The following FBXW7 variants were observed in gnomAD, a reference collection of about 807,000 sequenced individuals.
The protein encoded by FBXW7 is F-box/WD repeat-containing protein 7.
In FBXW7, 11 loss-of-function variants were observed where a neutral mutation model predicts 86.3. The ratio of observed to expected loss-of-function variants is 0.13; its 90% confidence interval spans 0.08 to 0.21. The LOEUF is 0.21. FBXW7 is among the 10% of genes least tolerant of loss of function. The probability of loss-of-function intolerance (pLI) is 1.00; values close to 1 mark genes in which losing one functional copy is unlikely to be tolerated. For synonymous variants in FBXW7, 313 were observed against 297.9 expected (o/e 1.05, Z -0.52); for missense variants, 488 against 847.4 (o/e 0.58, Z 5.27).
At chr4:152,354,937 T>C (rs950465775) in intron 4 of FBXW7, among the ~76,000 whole-genome samples, 1 of 152,156 alleles carries the variant, frequency 6.6e-6, no homozygotes, top group Non-Finnish European at 1.5e-5. Flanking sequence ...GTTTATCCTT[T>C]AAGTGAGAAA....
At chr4:152,379,868 T>C (rs1734901987) in intron 4 of FBXW7, among the ~76,000 whole-genome samples, 1 of 152,192 alleles carries the variant, frequency 6.6e-6, no homozygotes, top group South Asian at 2.1e-4. Flanking sequence ...CTGAAAATAT[T>C]TGAAGAGATA....
chr4:152,346,806 T>G (rs2126632681), intron 6 of FBXW7, 124 bp downstream of exon 6: 1 of 1,299,664 alleles, frequency 7.7e-7, no homozygotes, highest in Non-Finnish European at 1.0e-6. Flanking sequence ...CTTGGCAGAA[T>G]GATTTCAAAA....
chr4:152,484,008 G>A (rs1274136757), intron 2 of FBXW7, among the ~76,000 whole-genome samples: 1 of 152,060 alleles, frequency 6.6e-6, no homozygotes, highest in Non-Finnish European at 1.5e-5. Flanking sequence ...CAGCTATTTT[G>A]ACTAGAATTG....
intron 4 of FBXW7, among the ~76,000 whole-genome samples, chr4:152,401,470 T>G (rs976668936): frequency 1.3e-5 from 2 of 152,174 alleles, no homozygotes; most frequent in Non-Finnish European, 2.9e-5. Context: ...TCCAACTATA[T>G]GACATTCTGG....
chr4:152,324,722 T>C, intron 12 of FBXW7: 1 of 251,414 alleles, frequency 4.0e-6, no homozygotes, highest in Middle Eastern at 1.3e-3. Context: ...TAGCTATATA[T>C]CATGGATGAC....
intron 4 of FBXW7, among the ~76,000 whole-genome samples, chr4:152,368,883 AG>A (rs1188022315): frequency 1.3e-5 from 2 of 152,088 alleles, no homozygotes; most frequent in African/African-American, 2.4e-5. Context: ...TTCTTCATGT[AG>A]GGAGACATAA....
At chr4:152,439,464 C>G (rs1182330445) in intron 2 of FBXW7, among the ~76,000 whole-genome samples, 1 of 152,028 alleles carries the variant, frequency 6.6e-6, no homozygotes, top group Non-Finnish European at 1.5e-5. Flanking sequence ...CAAGTTTACA[C>G]AGGAACAAGC....
At chr4:152,478,159 TCAC>T (rs1466803510) in intron 2 of FBXW7, among the ~76,000 whole-genome samples, 1 of 152,076 alleles carries the variant, frequency 6.6e-6, no homozygotes, top group Non-Finnish European at 1.5e-5. Context: ...TGTACAATTA[TCAC>T]CACTATTCAT....
intron 2 of FBXW7, among the ~76,000 whole-genome samples, chr4:152,453,193 G>GA (rs1742072936): frequency 6.6e-6 from 1 of 152,004 alleles, no homozygotes; most frequent in Non-Finnish European, 1.5e-5. Flanking sequence ...GAAAAAAGAA[G>GA]AAAAAAACTT....
chr4:152,353,517 A>G (rs1411135335), intron 4 of FBXW7, among the ~76,000 whole-genome samples: 2 of 152,188 alleles, frequency 1.3e-5, no homozygotes, highest in African/African-American at 2.4e-5. Context: ...TAAGATTAAC[A>G]AACTAGTACT....
At chr4:152,531,313 C>T (rs995472742) in intron 2 of FBXW7, among the ~76,000 whole-genome samples, 1 of 152,140 alleles carries the variant, frequency 6.6e-6, no homozygotes, top group African/African-American at 2.4e-5. Context: ...TATTTTCACC[C>T]TAGAATCACC....
chr4:152,434,993 G>T (rs1740255178), intron 2 of FBXW7, among the ~76,000 whole-genome samples: 1 of 125,928 alleles, frequency 7.9e-6, no homozygotes. Flanking sequence ...TCCTTTACAT[G>T]TTTAATATTC....
chr4:152,343,823 A>AT (rs199696768), intron 6 of FBXW7, among the ~76,000 whole-genome samples: 2,162 of 145,376 alleles, frequency 0.015, 25 homozygotes, highest in Middle Eastern at 0.035. Flanking sequence ...TAAACTTTCT[A>AT]TTTTTTTTTT....
chr4:152,484,146 C>T (rs943961123), intron 2 of FBXW7, among the ~76,000 whole-genome samples: 1 of 152,128 alleles, frequency 6.6e-6, no homozygotes, highest in Admixed American at 6.5e-5. Context: ...TTTCTTCATA[C>T]AAATCCTATT....
chr4:152,324,425 G>T, intron 12 of FBXW7, 31 bp from the exon 13 acceptor site: 1 of 1,499,314 alleles, frequency 6.7e-7, no homozygotes, highest in Non-Finnish European at 9.1e-7. Flanking sequence ...TAGAATAGAA[G>T]TATGGATACT....
At chr4:152,352,523 T>C (rs2126661379) in intron 4 of FBXW7, 1 of 1,613,946 alleles carries the variant, frequency 6.2e-7, no homozygotes, top group Non-Finnish European at 8.5e-7. Context: ...TCTGTATTTT[T>C]CCCCTTCAGT....
chr4:152,357,746 C>T (rs1320896172), intron 4 of FBXW7, among the ~76,000 whole-genome samples: 1 of 152,112 alleles, frequency 6.6e-6, no homozygotes, highest in African/African-American at 2.4e-5. Flanking sequence ...TTCATTCCTT[C>T]AGATTGGGCC....
At chr4:152,377,722 A>G (rs1453929881) in intron 4 of FBXW7, among the ~76,000 whole-genome samples, 4 of 150,666 alleles carry the variant, frequency 2.7e-5, no homozygotes, top group Non-Finnish European at 4.4e-5. Flanking sequence ...CTAAGATCGC[A>G]CCAGCCTAGG....
intron 4 of FBXW7, among the ~76,000 whole-genome samples, chr4:152,403,294 A>G (rs544251588): frequency 6.6e-6 from 1 of 152,254 alleles, no homozygotes; most frequent in South Asian, 2.1e-4. Context: ...CCTGGCCAAC[A>G]TGGTGAAACC....
Sources: allele counts gnomAD v4.1 joint callset (sites outside exome capture counted in the v4.1 genomes callset), GRCh38; gene constraint gnomAD v4.1.1; transcripts MANE v1.5; gene names NCBI Gene and HGNC (gene_info 2026-07-23, HGNC 2026-07-21).